ATG10: variants seen among roughly 807,000 people sequenced by gnomAD.
ATG10 encodes the protein autophagy related 10, also known as ubiquitin-like-conjugating enzyme ATG10.
In ATG10, 30 loss-of-function variants were observed where a neutral mutation model predicts 32.1. That is an observed-to-expected ratio of 0.94 (90% CI 0.70 to 1.27). The LOEUF (loss-of-function observed/expected upper bound fraction) is 1.27. ATG10 is among the 50% of genes most tolerant of loss of function. The pLI, the probability that ATG10 is intolerant of heterozygous loss-of-function variation, is 0.00. For synonymous variants in ATG10, 87 were observed against 91.5 expected (o/e 0.95, Z 0.28); for missense variants, 233 against 262.3 (o/e 0.89, Z 0.77).
intron 5 of ATG10, among the ~76,000 whole-genome samples, chr5:82,184,878 A>T (rs1744388804): frequency 6.6e-6 from 1 of 152,212 alleles, no homozygotes; most frequent in Non-Finnish European, 1.5e-5. Flanking sequence ...TGCTACCGCA[A>T]CAGGGCTGCA....
At chr5:82,246,431 A>G (rs1281766141) in intron 5 of ATG10, among the ~76,000 whole-genome samples, 1 of 151,852 alleles carries the variant, frequency 6.6e-6, no homozygotes, top group Non-Finnish European at 1.5e-5. Flanking sequence ...GCTTATGCCT[A>G]TAATCCCAGC....
chr5:81,983,198 C>G (rs1445636593), intron 1 of ATG10, among the ~76,000 whole-genome samples: 2 of 150,452 alleles, frequency 1.3e-5, no homozygotes, highest in Non-Finnish European at 3.0e-5. Flanking sequence ...CCCCCCACCT[C>G]CCTCCCGGAC....
At chr5:82,039,816 G>A (rs1369866125) in intron 2 of ATG10, among the ~76,000 whole-genome samples, 1 of 152,170 alleles carries the variant, frequency 6.6e-6, no homozygotes, top group Non-Finnish European at 1.5e-5. Flanking sequence ...TATATCTCAT[G>A]ATTTTTTTGG....
chr5:82,211,957 T>C (rs528283076), intron 5 of ATG10, among the ~76,000 whole-genome samples: 3 of 152,312 alleles, frequency 2.0e-5, no homozygotes, highest in South Asian at 2.1e-4. Context: ...ATCCAAGCAA[T>C]TGAACATCTC....
chr5:81,972,643 T>G (rs1336370054), intron 1 of ATG10: 1 of 152,234 alleles, frequency 6.6e-6, no homozygotes, highest in Non-Finnish European at 1.5e-5. Flanking sequence ...AGCAAATCTT[T>G]GGTTGAAACA....
At chr5:82,236,895 C>T (rs1179143864) in intron 5 of ATG10, among the ~76,000 whole-genome samples, 1 of 152,030 alleles carries the variant, frequency 6.6e-6, no homozygotes, top group Non-Finnish European at 1.5e-5. Context: ...TGGTTTCTTT[C>T]CCACATATTT....
chr5:82,084,279 A>G lies in ATG10; in HGVS notation c.216+25677A>G, dbSNP rs1244759112. On this transcript the variant is annotated intron_variant, in intron 3 of 7. Coordinates refer to ENST00000282185, the MANE Select transcript of ATG10 (RefSeq NM_031482.5). ...AAATGAAGCAAGAAGAGAAGTTTAG[A>G]GTAAAAAGAGTAAAAAGAAACAAAC... Among the ~76,000 whole-genome samples, 2 of 152,206 alleles carry G rather than the reference A, an allele frequency of 1.3e-5. 1 individual carries two copies. Among genetic ancestry groups the G allele is most frequent in the Non-Finnish European group, 2.9e-5 (2 of 68,038 alleles).
intron 4 of ATG10, among the ~76,000 whole-genome samples, chr5:82,176,972 G>C (rs989936548): frequency 4.6e-5 from 7 of 152,196 alleles, no homozygotes; most frequent in Non-Finnish European, 1.0e-4. Context: ...GAAATGCCCT[G>C]CTTATAATAT....
Position 82,220,293 on chromosome 5 carries a change from C to T in ATG10, c.454-32269C>T, listed in dbSNP as rs868588729. On this transcript the variant is annotated intron_variant, in intron 5 of 7. Transcript: ENST00000282185. ...GCTTTTTTTTTTTGAGATGGAGTCT[C>T]GCTCTGTCACCCAGGCTGGAGTGCA... Among the ~76,000 whole-genome samples, 18 of 151,668 alleles carry T rather than the reference C, an allele frequency of 1.2e-4. No homozygotes were observed. In the South Asian group the frequency reaches 1.3e-3, roughly 11 times the overall value.
intron 5 of ATG10, among the ~76,000 whole-genome samples, chr5:82,203,854 A>G (rs1293742994): frequency 1.3e-5 from 2 of 152,180 alleles, no homozygotes; most frequent in African/African-American, 4.8e-5. Context: ...TGTTATCTTA[A>G]AAATGAAGTA....
chr5:82,200,673 T>A (rs1012318148), intron 5 of ATG10, among the ~76,000 whole-genome samples: 22 of 151,114 alleles, frequency 1.5e-4, no homozygotes, highest in African/African-American at 2.2e-4. Context: ...GGATTTTTTT[T>A]AAATTAGATT....
At chr5:81,983,194 A>C (rs1581563446) in intron 1 of ATG10, among the ~76,000 whole-genome samples, 7 of 122,518 alleles carry the variant, frequency 5.7e-5, no homozygotes, top group South Asian at 2.7e-4. Flanking sequence ...TGATCCCCCC[A>C]CCTCCCTCCC....
At chr5:82,213,945 G>A (rs527681520) in intron 5 of ATG10, among the ~76,000 whole-genome samples, 19 of 152,252 alleles carry the variant, frequency 1.2e-4, no homozygotes, top group Non-Finnish European at 2.8e-4. Context: ...TCGACTTTGG[G>A]CCTTAGATAT....
At chr5:82,138,976 C>T (rs1299539234) in intron 3 of ATG10, among the ~76,000 whole-genome samples, 1 of 150,542 alleles carries the variant, frequency 6.6e-6, no homozygotes, top group African/African-American at 2.4e-5. Context: ...CCTCAGTCTG[C>T]CAAATGCCTG....
chr5:82,142,068 A>G (rs1268647877), intron 3 of ATG10, among the ~76,000 whole-genome samples: 1 of 152,232 alleles, frequency 6.6e-6, no homozygotes, highest in Non-Finnish European at 1.5e-5. Flanking sequence ...CATATTCTGG[A>G]TTATATAGAG....
At chr5:82,235,304 G>T (rs1746511623) in intron 5 of ATG10, among the ~76,000 whole-genome samples, 1 of 152,130 alleles carries the variant, frequency 6.6e-6, no homozygotes, top group Non-Finnish European at 1.5e-5. Context: ...TGGGTTCCAG[G>T]AAATGACATG....
At chr5:81,981,410 C>A (rs1431375404) in intron 1 of ATG10, among the ~76,000 whole-genome samples, 1 of 152,208 alleles carries the variant, frequency 6.6e-6, no homozygotes, top group Non-Finnish European at 1.5e-5. Context: ...GCCTAAGGAC[C>A]TTGCTAGGTA....
chr5:82,159,993 T>C (rs1245715923), intron 3 of ATG10, among the ~76,000 whole-genome samples: 3 of 152,152 alleles, frequency 2.0e-5, no homozygotes, highest in Admixed American at 6.6e-5. Flanking sequence ...GATGTTGACA[T>C]TGATATAATC....
intron 5 of ATG10, among the ~76,000 whole-genome samples, chr5:82,216,564 A>T (rs917725508): frequency 1.3e-5 from 2 of 152,226 alleles, no homozygotes; most frequent in Non-Finnish European, 2.9e-5. Flanking sequence ...GACTTCAAGC[A>T]TGCTAATTAG....
Sources: allele counts gnomAD v4.1 joint callset (sites outside exome capture counted in the v4.1 genomes callset), GRCh38; gene constraint gnomAD v4.1.1; transcripts MANE v1.5; gene names NCBI Gene and HGNC (gene_info 2026-07-23, HGNC 2026-07-21).